The following NYX variants were observed in gnomAD, a reference collection of about 807,000 sequenced individuals.
NYX encodes leucine-rich repeat protein.
For synonymous variants in NYX, 258 were observed against 245.7 expected (o/e 1.05, Z -0.47); for missense variants, 481 against 485.4 (o/e 0.99, Z 0.09).
chrX:41,468,771 C>T (rs1421020193), intron 2 of NYX, among the ~76,000 whole-genome samples: 3 of 111,805 alleles, frequency 2.7e-5, no homozygotes, highest in South Asian at 3.7e-4. Flanking sequence ...GAATGAAGGA[C>T]TATTTGTAAA....
At chrX:41,456,571 C>G (rs1187904508) in intron 2 of NYX, among the ~76,000 whole-genome samples, 2 of 111,877 alleles carry the variant, frequency 1.8e-5, no homozygotes, top group African/African-American at 3.2e-5. Flanking sequence ...GGTGGCCATA[C>G]CTGGCAGCTC....
intron 2 of NYX, among the ~76,000 whole-genome samples, chrX:41,457,326 A>AAC (rs56882867): frequency 9.4e-6 from 1 of 106,894 alleles, no homozygotes; most frequent in Non-Finnish European, 1.9e-5. Flanking sequence ...AAAAAAAAAA[A>AAC]GGCCTCAGAG....
At chrX:41,473,448 C>A in intron 2 of NYX, 43 bp from the exon 3 acceptor site, 1 of 953,926 alleles carries the variant, frequency 1.0e-6, no homozygotes, top group South Asian at 3.7e-5. Flanking sequence ...CCTTTTTTCT[C>A]TTTTCTCCTC....
intron 2 of NYX, among the ~76,000 whole-genome samples, chrX:41,457,689 C>T (rs143187285): frequency 1.3e-3 from 147 of 111,617 alleles, no homozygotes; most frequent in African/African-American, 4.4e-3. Context: ...TCCATTTTCA[C>T]GGAGAAAGAA....
At chrX:41,454,719 A>G (rs1246660956) in intron 2 of NYX, among the ~76,000 whole-genome samples, 2 of 109,982 alleles carry the variant, frequency 1.8e-5, no homozygotes, top group Admixed American at 2.0e-4. Flanking sequence ...CAATCCTCCC[A>G]CCTCAGCCTT....
In NYX at chrX:41,460,876, A is replaced by ATT. The variant is rs59383905; in HGVS notation, c.23-12586_23-12585dup. ...ATGTAAGCGGAGTCACACAGTATGT[A>ATT]TTTTTTTTTTTTTTTTTTTTTTTTT... is the stretch of plus-strand genomic sequence containing the variant. On this transcript the variant is annotated intron_variant, in intron 2 of 2. Transcript: ENST00000378220. 3.8e-3 allele frequency among the ~76,000 whole-genome samples: 94 copies of ATT among 24,694 alleles called. 2 individuals carry two copies. The highest frequency in any genetic ancestry group is 6.1e-3 in the Admixed American group (9 of 1,477). The allele number at this position is 24,694 out of a possible 115,157, so 21.4% of individuals were successfully genotyped here.
Position 41,474,101 on chromosome X carries a change from C to T in NYX, c.633C>T (p.Asn211=). ...TGCGCTCGCTCAGCCTGCAGGCCAA[C>T]CGCGTCCGTGCCGTGCACGCTGGCG... The part of the protein sequence containing the change: ...RRLRSLSLQA[N]RVRAVHAGAF... Residue 211 remains asparagine (N), a synonymous_variant, in exon 3 of 3, where the codon AAC becomes AAT. Transcript: ENST00000378220. 1 of 1,104,071 alleles carries T rather than the reference C, an allele frequency of 9.1e-7. No homozygotes were observed. Among genetic ancestry groups the T allele is most frequent in the South Asian group, 2.2e-5 (1 of 45,225 alleles). 91.0% of individuals were successfully genotyped at this position (1,104,071 alleles called of 1,213,427 possible).
At chrX:41,450,091 G>T (rs745397840) in intron 2 of NYX, among the ~76,000 whole-genome samples, 16 of 111,641 alleles carry the variant, frequency 1.4e-4, no homozygotes, top group Non-Finnish European at 2.4e-4. Context: ...GCTCCTGGAA[G>T]TGCCCCACTT....
chrX:41,472,414 G>A, intron 2 of NYX: 1 of 1,152,146 alleles, frequency 8.7e-7, no homozygotes, highest in South Asian at 1.8e-5. Context: ...CGTGCAATGT[G>A]AAGCTCACCT....
chrX:41,474,743 G>A lies in NYX; in HGVS notation c.1275G>A (p.Ala425=). Residue 425 remains alanine (A), a synonymous_variant, in exon 3 of 3, where the codon GCG becomes GCA. Coordinates refer to ENST00000378220, the MANE Select transcript of NYX (RefSeq NM_001378477.3). ...CCCCGAGGGTCCCGGTGGAGGAGGC[G>A]GCCAACACCACTGGGGGGCTGGCCA... The part of the protein sequence containing the change: ...LLAPRVPVEE[A]ANTTGGLANA... 1.7e-6 allele frequency: 2 copies of A among 1,193,363 alleles called. No homozygotes were observed. The highest frequency in any genetic ancestry group is 2.3e-6 in the Non-Finnish European group (2 of 887,821).
At chrX:41,469,884 T>C (rs1039069933) in intron 2 of NYX, among the ~76,000 whole-genome samples, 1 of 111,184 alleles carries the variant, frequency 9.0e-6, no homozygotes. Context: ...GCAAGCCTAC[T>C]TGTGGGCTTT....
At chrX:41,457,722 G>A (rs188276805) in intron 2 of NYX, among the ~76,000 whole-genome samples, 1 of 111,457 alleles carries the variant, frequency 9.0e-6, no homozygotes, top group South Asian at 3.7e-4. Context: ...GCTCTGTTTA[G>A]GTCAAAGTGT....
At chrX:41,455,148 C>T (rs1602172458) in intron 2 of NYX, among the ~76,000 whole-genome samples, 1 of 109,558 alleles carries the variant, frequency 9.1e-6, no homozygotes, top group East Asian at 2.9e-4. Flanking sequence ...CTCTGTTGCC[C>T]AGGCTGGAGT....
At chrX:41,470,061 C>A (rs192407405) in intron 2 of NYX, among the ~76,000 whole-genome samples, 9 of 109,183 alleles carry the variant, frequency 8.2e-5, no homozygotes, top group African/African-American at 3.0e-4. Flanking sequence ...GCAAGAAGGT[C>A]ATTGATTTTA....
chrX:41,470,298 A>G (rs960213914), intron 2 of NYX, among the ~76,000 whole-genome samples: 2 of 111,345 alleles, frequency 1.8e-5, no homozygotes, highest in African/African-American at 6.5e-5. Context: ...AATTCTGAGT[A>G]GTCACATTAA....
chrX:41,472,479 G>C, intron 2 of NYX: 18 of 750,372 alleles, frequency 2.4e-5, no homozygotes, highest in Non-Finnish European at 3.7e-5. Flanking sequence ...AGGGCGGCTC[G>C]GGCCCGCTGC....
chrX:41,467,973 A>G (rs2064346661), intron 2 of NYX, among the ~76,000 whole-genome samples: 1 of 111,864 alleles, frequency 8.9e-6, no homozygotes, highest in African/African-American at 3.3e-5. Context: ...CTTAATTTAA[A>G]TGTCACTAAA....
chrX:41,454,469 T>C (rs1273577292), intron 2 of NYX, among the ~76,000 whole-genome samples: 1 of 110,769 alleles, frequency 9.0e-6, no homozygotes, highest in Non-Finnish European at 1.9e-5. Context: ...CATGCCACCA[T>C]GCCTGAATAA....
intron 2 of NYX, among the ~76,000 whole-genome samples, chrX:41,471,359 A>G (rs1259577230): frequency 1.8e-5 from 2 of 111,613 alleles, no homozygotes; most frequent in African/African-American, 6.5e-5. Flanking sequence ...TGATCTGCCC[A>G]CCTCGGCCTC....
Sources: gnomAD v4.1 joint callset for allele counts (sites outside exome capture counted in the v4.1 genomes callset) on GRCh38, gnomAD v4.1.1 for gene constraint, MANE v1.5 for transcripts, NCBI Gene and HGNC (gene_info 2026-07-23, HGNC 2026-07-21) for gene names.